HMMR: variants seen among roughly 807,000 people sequenced by gnomAD.
HMMR encodes hyaluronan mediated motility receptor.
Under a neutral mutation model 101.0 loss-of-function variants are expected in HMMR, and 108 were observed. The observed-to-expected ratio is 1.07, with a 90% CI of 0.92 to 1.25. The LOEUF is 1.25. HMMR is among the 50% of genes most tolerant of loss of function. HMMR has a pLI of 0.00. For synonymous variants in HMMR, 296 were observed against 276.4 expected, an observed-to-expected ratio of 1.07 and a Z score of -0.70; for missense variants, 813 against 788.7, an observed-to-expected ratio of 1.03 and a Z score of -0.37.
At position 163,473,897 on chromosome 5, in the gene HMMR, T is replaced by G. The variant is rs965223959; in HGVS notation, c.905-160T>G. On this transcript the variant is annotated intron_variant, in intron 9 of 17. Coordinates refer to ENST00000393915, the MANE Select transcript of HMMR (RefSeq NM_001142556.2). ...GTGGGTTTTATTATTTAGCACATAG[T>G]ATATATTACATGGAGTAATGATACA... Among the ~76,000 whole-genome samples the G allele has an allele frequency of 3.9e-5, 6 of 152,048 alleles. No homozygotes were observed. The East Asian group carries it at 1.2e-3, about 29-fold the overall frequency.
intron 12 of HMMR, among the ~76,000 whole-genome samples, chr5:163,480,374 C>T (rs952904189): frequency 3.3e-5 from 5 of 152,060 alleles, no homozygotes; most frequent in African/African-American, 4.8e-5. Context: ...TGTGTGTTTT[C>T]AGGATTGAAT....
At chr5:163,469,008 A>G (rs1015625798) in intron 4 of HMMR, among the ~76,000 whole-genome samples, 2 of 152,184 alleles carry the variant, frequency 1.3e-5, no homozygotes, top group African/African-American at 4.8e-5. Flanking sequence ...ATTTTAAGCT[A>G]ATTTGAATTT....
At chr5:163,462,970 T>C (rs1176007384) in intron 1 of HMMR, among the ~76,000 whole-genome samples, 1 of 151,912 alleles carries the variant, frequency 6.6e-6, no homozygotes, top group East Asian at 1.9e-4. Context: ...CTGAAGTAAA[T>C]AGCTTTTCAG....
Position 163,483,063 on chromosome 5 carries a change from G to C in HMMR, c.1576G>C (p.Glu526Gln). Residue 526 changes from glutamate (E) to glutamine (Q), a missense_variant, in exon 14 of 18, where the codon GAA becomes CAA. Transcript: ENST00000393915. Reference sequence around the variant, plus strand: ...GACCAAGTCAGCACTAAAGGAAACAGAAATTAAAGAAATCACAGTTTCTTT... The same window carrying C: ...GACCAAGTCAGCACTAAAGGAAACACAAATTAAAGAAATCACAGTTTCTTT... The part of the protein sequence containing the change: ...LQTKSALKET[E>Q]IKEITVSFLQ... The C allele has an allele frequency of 2.5e-6, 4 of 1,612,458 alleles. No homozygotes were observed. The highest frequency in any genetic ancestry group is 3.4e-6 in the Non-Finnish European group (4 of 1,179,288).
chr5:163,471,681 T>G (rs772555339), intron 7 of HMMR, among the ~76,000 whole-genome samples: 1 of 152,184 alleles, frequency 6.6e-6, no homozygotes, highest in Non-Finnish European at 1.5e-5. Flanking sequence ...CTTTTGTACA[T>G]CTTCTGTATT....
At position 163,490,465 on chromosome 5, in the gene HMMR, G is replaced by A. The variant is rs765580156; in HGVS notation, c.2038G>A (p.Val680Ile). The A allele has an allele frequency of 2.0e-5, 32 of 1,601,336 alleles. No homozygotes were observed. Among genetic ancestry groups the A allele is most frequent in the Non-Finnish European group, 2.6e-5 (30 of 1,175,498 alleles). ...ETKLQEELNK[V>I]LGIKHFDPSK... ...AAAACTTCAAGAGGAATTGAATAAA[G>A]TTCTAGGTATCAAACACTTTGATCC... The change falls in exon 17 of 18, where the codon GTT (valine) becomes ATT (isoleucine). Residue 680 changes from valine (V) to isoleucine (I), a missense_variant. Coordinates refer to ENST00000393915, the MANE Select transcript of HMMR (RefSeq NM_001142556.2).
In HMMR at chr5:163,466,204, T is replaced by C. The variant is rs1252428139; in HGVS notation, c.225+1402T>C. ...CTGCTTGAACCTAGGGAGGCAGAGG[T>C]TGCAGTGAGCCGAGAGATTGCACCA... On this transcript the variant is annotated intron_variant, in intron 3 of 17. Coordinates refer to ENST00000393915, the MANE Select transcript of HMMR (RefSeq NM_001142556.2). 2.6e-5 allele frequency among the ~76,000 whole-genome samples: 4 copies of C among 151,304 alleles called. No homozygotes were observed. In the East Asian group the frequency reaches 7.8e-4, roughly 30 times the overall value.
rs545829624 is a variant in HMMR, at chr5:163,471,842, G to A, written c.650+379G>A. Among the ~76,000 whole-genome samples, 12 of 152,194 alleles carry A rather than the reference G, an allele frequency of 7.9e-5. No homozygotes were observed. In the South Asian group the frequency reaches 2.5e-3, roughly 32 times the overall value. ...ATATAATAAAATGTGTGGATAGTAA[G>A]TATTCAGTTTGGTGACTTTAGCAAT... On this transcript the variant is annotated intron_variant, in intron 7 of 17. Coordinates refer to ENST00000393915, the MANE Select transcript of HMMR (RefSeq NM_001142556.2).
At chr5:163,491,030 C>T in intron 17 of HMMR, 82 bp from the exon 18 acceptor site, 1 of 690,212 alleles carries the variant, frequency 1.4e-6, no homozygotes, top group South Asian at 2.1e-5. Context: ...AAAGAAGATA[C>T]AAGGCCTGTT....
intron 15 of HMMR, 40 bp downstream of exon 15, chr5:163,483,407 G>A (rs1416495064): frequency 2.4e-5 from 26 of 1,104,002 alleles, no homozygotes; most frequent in Non-Finnish European, 3.4e-5. Flanking sequence ...GTTTATTTTA[G>A]GGACTCACTT....
At chr5:163,489,669 A>G (rs1008564280) in intron 16 of HMMR, among the ~76,000 whole-genome samples, 1 of 151,976 alleles carries the variant, frequency 6.6e-6, no homozygotes, top group African/African-American at 2.4e-5. Flanking sequence ...TTTTCAACAC[A>G]CTGTGCCCAA....
Position 163,460,845 on chromosome 5 carries a change from G to A in HMMR, c.46+107G>A, listed in dbSNP as rs993653215. The A allele has an allele frequency of 5.4e-6, 5 of 919,562 alleles. No homozygotes were observed. The African/African-American group carries it at 8.3e-5, about 15-fold the overall frequency. 57.0% of individuals were successfully genotyped at this position (919,562 alleles called of 1,614,324 possible). On this transcript the variant is annotated intron_variant, in intron 1 of 17. Transcript: ENST00000393915. ...CAGGAGGCGATTTTAGGGTCGGGCT[G>A]GGGCTCATTCAGTTGATTGATTTTT... is the stretch of plus-strand genomic sequence containing the variant.
chr5:163,464,403 T>A (rs1315281083), intron 2 of HMMR, among the ~76,000 whole-genome samples: 1 of 151,908 alleles, frequency 6.6e-6, no homozygotes, highest in East Asian at 1.9e-4. Context: ...ATCACATGAG[T>A]TCAGGATTTC....
At chr5:163,460,799 G>C (rs553715113) in intron 1 of HMMR, 61 bp downstream of exon 1, 1 of 1,494,458 alleles carries the variant, frequency 6.7e-7, no homozygotes, top group African/African-American at 1.4e-5. Context: ...GCCTCTTTCA[G>C]CTCCCTTCTT....
At position 163,483,094 on chromosome 5, in the gene HMMR, A is replaced by G. The variant is rs746093159; in HGVS notation, c.1607A>G (p.Gln536Arg). The G allele has an allele frequency of 2.5e-5, 40 of 1,612,670 alleles. No individual in the cohort carries two copies. Among genetic ancestry groups the G allele is most frequent in the Non-Finnish European group, 3.4e-5 (40 of 1,179,130 alleles). ...AAAGAAATCACAGTTTCTTTTCTTC[A>G]AAAAATAACTGATTTGCAGAACCAA... ...EIKEITVSFL[Q>R]KITDLQNQLK... Residue 536 changes from glutamine to arginine, a missense_variant, in exon 14 of 18, where the codon CAA (glutamine) becomes CGA (arginine). Gln to Arg is a conservative substitution (Grantham distance 43). Transcript: ENST00000393915.
intron 1 of HMMR, among the ~76,000 whole-genome samples, chr5:163,463,094 A>G (rs543645218): frequency 2.8e-4 from 43 of 152,346 alleles, no homozygotes; most frequent in Non-Finnish European, 6.2e-4. Context: ...ATTTACTCAG[A>G]AATGCCTTCA....
At chr5:163,467,962 A>G (rs1436006189) in intron 4 of HMMR, among the ~76,000 whole-genome samples, 1 of 152,268 alleles carries the variant, frequency 6.6e-6, no homozygotes, top group East Asian at 1.9e-4. Context: ...GAGATTAAAG[A>G]TAGCCCACTT....
intron 3 of HMMR, among the ~76,000 whole-genome samples, chr5:163,465,725 AG>A (rs1281616891): frequency 6.7e-6 from 1 of 150,042 alleles, no homozygotes; most frequent in African/African-American, 2.5e-5. Context: ...TTGGGAGGCA[AG>A]GCAGGTGGAT....
intron 16 of HMMR, among the ~76,000 whole-genome samples, chr5:163,488,099 A>G (rs1403944489): frequency 6.6e-6 from 1 of 152,126 alleles, no homozygotes; most frequent in Non-Finnish European, 1.5e-5. Context: ...CAAGGAATCT[A>G]CCAGCTTTGG....
Sources: allele counts gnomAD v4.1 joint callset (sites outside exome capture counted in the v4.1 genomes callset), GRCh38; gene constraint gnomAD v4.1.1; transcripts MANE v1.5; gene names NCBI Gene and HGNC (gene_info 2026-07-23, HGNC 2026-07-21).